ABR: variants seen among roughly 807,000 people sequenced by gnomAD.
ABR encodes ABR activator of RhoGEF and GTPase.
Under a neutral mutation model 107.2 loss-of-function variants are expected in ABR, and 35 were observed. That is an observed-to-expected ratio of 0.33 (90% CI 0.25 to 0.43). The LOEUF (loss-of-function observed/expected upper bound fraction) is 0.43, where lower values mean the gene tolerates loss of function less well. Ranked by LOEUF, ABR falls within the 20% of genes least tolerant of loss-of-function variation. The pLI, the probability that ABR is intolerant of heterozygous loss-of-function variation, is 1.00. For synonymous variants in ABR, 498 were observed against 462.0 expected (o/e 1.08, Z -1.00); for missense variants, 815 against 1,115.2 (o/e 0.73, Z 3.83).
chr17:1,096,121 C>T (rs2037406125), intron 3 of ABR, among the ~76,000 whole-genome samples: 1 of 152,168 alleles, frequency 6.6e-6, no homozygotes, highest in African/African-American at 2.4e-5. Flanking sequence ...CCCCCTACTT[C>T]GGCCCAGGCT....
rs1200018146 is a variant in ABR, at chr17:1,229,530, T to TC, written c.100dup (p.Glu34GlyfsTer261). On this transcript the variant is annotated frameshift_variant, in exon 1 of 23. Transcript: ENST00000574139. LOFTEE classifies it high-confidence loss of function. ...CAGGTTGAGTCTGCGGCGCTCCAGC[T>TC]CCCGCTCCGCGTCCCGCACCGACTC... Among the ~76,000 whole-genome samples the TC allele has an allele frequency of 6.6e-6, 1 of 151,804 alleles. No homozygotes were observed. The highest frequency in any genetic ancestry group is 1.5e-5 in the Non-Finnish European group (1 of 67,922).
In ABR at chr17:1,125,248, T is replaced by C. The variant is rs1426803554; in HGVS notation, c.181A>G (p.Ser61Gly). The change falls in exon 2 of 23, where the codon AGC (serine) becomes GGC (glycine). Residue 61 changes from serine to glycine, a missense_variant. Physicochemically the swap from Ser to Gly is moderately conservative, Grantham distance 56. This residue lies in a region of ABR where 129 missense variants were observed against 124.8 expected (regional missense o/e 1.03). Transcript: ENST00000302538. ...TCCCCCCCGCCCTGGCTGCGGGCGC[T>C]GAGCTGCGGGGACATGGTGGGCGAC... ...DESPTMSPQL[S>G]ARSQGGGDGV... is the part of the protein sequence containing the mutation. 8 of 1,612,468 alleles carry C rather than the reference T, an allele frequency of 5.0e-6. No homozygotes were observed. The highest frequency in any genetic ancestry group is 6.8e-6 in the Non-Finnish European group (8 of 1,179,114).
intron 1 of ABR, among the ~76,000 whole-genome samples, chr17:1,167,722 G>A (rs903541020): frequency 2.0e-5 from 3 of 152,250 alleles, no homozygotes; most frequent in African/African-American, 4.8e-5. Context: ...GATACTGTTA[G>A]CAAAGCAGAG....
intron 2 of ABR, among the ~76,000 whole-genome samples, chr17:1,115,786 C>T (rs1434085738): frequency 6.7e-6 from 1 of 149,556 alleles, no homozygotes; most frequent in African/African-American, 2.5e-5. Flanking sequence ...ATTAGCCAGG[C>T]GTACTGGCGG....
intron 1 of ABR, among the ~76,000 whole-genome samples, chr17:1,218,081 G>A (rs1033640663): frequency 3.3e-5 from 5 of 152,154 alleles, no homozygotes; most frequent in East Asian, 1.9e-4. Flanking sequence ...CCGCTACCTC[G>A]GACAGCATGC....
At chr17:1,008,421 G>A (rs1211269622) in intron 21 of ABR, among the ~76,000 whole-genome samples, 1 of 152,236 alleles carries the variant, frequency 6.6e-6, no homozygotes, top group Non-Finnish European at 1.5e-5. Flanking sequence ...AGGCAGCTGT[G>A]CAGCGGGGCC....
At chr17:1,193,961 T>C (rs1246465753) in intron 1 of ABR, among the ~76,000 whole-genome samples, 1 of 152,138 alleles carries the variant, frequency 6.6e-6, no homozygotes, top group Non-Finnish European at 1.5e-5. Flanking sequence ...CTCAAAGTGC[T>C]GGGATAACAG....
chr17:1,185,035 T>G (rs556465924), intron 1 of ABR: 10 of 152,298 alleles, frequency 6.6e-5, no homozygotes, highest in African/African-American at 2.2e-4. Flanking sequence ...GTGTGTAATC[T>G]CTGCATTGAG....
In ABR at chr17:1,179,944, C is replaced by CGAGCA. The variant is rs1567866629; in HGVS notation, c.-218_-217insTGCTC. 3.7e-6 allele frequency: 1 copy of CGAGCA among 266,848 alleles called. No homozygotes were observed. Among genetic ancestry groups the CGAGCA allele is most frequent in the Non-Finnish European group, 6.8e-6 (1 of 146,730 alleles). 16.5% of individuals were successfully genotyped at this position (266,848 alleles called of 1,614,324 possible). A position where few individuals can be genotyped will look rare whatever the true frequency, so the allele number is the denominator to read the frequency against. ...CCCGAACCCTCCCGGCCCCAGCGGC[C>CGAGCA]GCGCCGAGCCCAGCTGCGGATCCCG... is the stretch of plus-strand genomic sequence containing the variant. On this transcript the variant is annotated 5_prime_UTR_variant, in exon 1 of 23. Coordinates refer to ENST00000302538, the MANE Select transcript of ABR (RefSeq NM_021962.5). This position sits in a 1 kb window ranked among gnomAD's most constrained non-coding sequence, Gnocchi z 4.9.
At chr17:1,108,091 A>G (rs1470402208) in intron 2 of ABR, among the ~76,000 whole-genome samples, 1 of 152,200 alleles carries the variant, frequency 6.6e-6, no homozygotes, top group Admixed American at 6.5e-5. Flanking sequence ...AGCAGTCTGC[A>G]AACTCCCCGA....
chr17:1,036,317 A>G (rs994262398), intron 16 of ABR, among the ~76,000 whole-genome samples: 1 of 152,110 alleles, frequency 6.6e-6, no homozygotes, highest in African/African-American at 2.4e-5. Flanking sequence ...GAGAGTCCAG[A>G]GCCCAGGAGG....
rs144028788 is a variant in ABR at position 1,037,759 on chromosome 17, C to T, written c.1791+12291G>A. ...CTGAGGCCTGAAGGTGGGATGGGGT[C>T]GCCGAGCCTCCCTGCTCTTTCTTCA... On this transcript the variant is annotated intron_variant, in intron 16 of 22. Transcript: ENST00000302538. This position sits in a 1 kb window ranked among gnomAD's most constrained non-coding sequence, Gnocchi z 4.6. Among the ~76,000 whole-genome samples the T allele has an allele frequency of 9.5e-4, 145 of 152,162 alleles. No homozygotes were observed. In the East Asian group the frequency reaches 0.023, roughly 24 times the overall value.
At chr17:1,074,053 AG>A (rs1233971854) in intron 6 of ABR, among the ~76,000 whole-genome samples, 1 of 148,552 alleles carries the variant, frequency 6.7e-6, no homozygotes, top group Non-Finnish European at 1.5e-5. Flanking sequence ...CGCCCCGAAG[AG>A]TCCAGCACAC....
At chr17:1,072,832 C>T in intron 7 of ABR, 78 bp from the exon 8 acceptor site, 1 of 1,500,764 alleles carries the variant, frequency 6.7e-7, no homozygotes, top group South Asian at 1.3e-5. Flanking sequence ...GCTCAGTCCC[C>T]ATCCAAAGGG....
chr17:1,032,846 G>A (rs546860008), intron 16 of ABR, among the ~76,000 whole-genome samples: 4 of 152,260 alleles, frequency 2.6e-5, no homozygotes, highest in African/African-American at 7.2e-5. Context: ...CTGGGGCCTC[G>A]GACCTCTGCA....
chr17:1,211,427 T>G (rs750533931), intron 1 of ABR, among the ~76,000 whole-genome samples: 8 of 152,234 alleles, frequency 5.3e-5, no homozygotes, highest in Non-Finnish European at 1.2e-4. Context: ...CCTGCAGAGG[T>G]GTCTGACTTG....
At chr17:1,110,342 C>T (rs1597849327) in intron 2 of ABR, among the ~76,000 whole-genome samples, 1 of 151,924 alleles carries the variant, frequency 6.6e-6, no homozygotes, top group Middle Eastern at 3.4e-3. Flanking sequence ...GCAAACGGCA[C>T]CCATGAGGGT....
intron 4 of ABR, among the ~76,000 whole-genome samples, chr17:1,090,762 C>T (rs746391394): frequency 4.6e-5 from 7 of 152,210 alleles, no homozygotes; most frequent in Non-Finnish European, 8.8e-5. Flanking sequence ...CAGCCTCTCA[C>T]ACCCAGAGAA....
chr17:1,041,367 G>C (rs1003521998), intron 16 of ABR, among the ~76,000 whole-genome samples: 2 of 152,252 alleles, frequency 1.3e-5, no homozygotes, highest in African/African-American at 2.4e-5. Context: ...AGCACCGACT[G>C]GCTCTTCCAG....
Sources: gnomAD v4.1 joint callset for allele counts (sites outside exome capture counted in the v4.1 genomes callset) on GRCh38, gnomAD v4.1.1 for gene constraint, gnomAD v4.1.1 regional missense constraint, Gnocchi (gnomAD v3.1) non-coding constraint, MANE v1.5 for transcripts, NCBI Gene and HGNC (gene_info 2026-07-23, HGNC 2026-07-21) for gene names.